ZNF385D: variants seen among roughly 807,000 people sequenced by gnomAD.
ZNF385D encodes the protein zinc finger protein 659.
Under a neutral mutation model 35.8 loss-of-function variants are expected in ZNF385D, and 15 were observed. That is an observed-to-expected ratio of 0.42 (90% CI 0.28 to 0.64). The LOEUF is 0.64. Ranked by LOEUF, ZNF385D falls within the 30% of genes least tolerant of loss-of-function variation. ZNF385D has a pLI of 0.23. For synonymous variants in ZNF385D, 212 were observed against 186.8 expected (o/e 1.13, Z -1.10); for missense variants, 474 against 494.6 (o/e 0.96, Z 0.39).
chr3:22,128,335 G>C (rs531692607), intron 3 of ZNF385D, among the ~76,000 whole-genome samples: 3 of 151,606 alleles, frequency 2.0e-5, no homozygotes, highest in African/African-American at 4.8e-5. Flanking sequence ...CTTGACTTTT[G>C]GGAGTCTGAT....
chr3:21,568,633 C>T (rs916999650), intron 2 of ZNF385D, among the ~76,000 whole-genome samples: 4 of 152,122 alleles, frequency 2.6e-5, no homozygotes, highest in Non-Finnish European at 5.9e-5. Context: ...ACATTAACAG[C>T]ACACAACAGA....
chr3:22,190,896 G>A (rs1214495260), intron 2 of ZNF385D, among the ~76,000 whole-genome samples: 1 of 151,774 alleles, frequency 6.6e-6, no homozygotes, highest in Non-Finnish European at 1.5e-5. Flanking sequence ...AACTATAAAG[G>A]ATACTCTGTG....
chr3:22,173,431 G>T (rs951916943), intron 2 of ZNF385D, among the ~76,000 whole-genome samples: 3 of 152,220 alleles, frequency 2.0e-5, no homozygotes, highest in Admixed American at 6.5e-5. Context: ...CTACCAATTT[G>T]GCAACTTTTC....
intron 3 of ZNF385D, among the ~76,000 whole-genome samples, chr3:21,794,583 C>T (rs7374877): frequency 0.42 from 63,234 of 151,916 alleles, 13,229 homozygotes; most frequent in East Asian, 0.53. Context: ...GGTTCATAGA[C>T]AATGCCTTCT....
At chr3:21,612,597 TATAAC>T (rs368040303) in intron 2 of ZNF385D, among the ~76,000 whole-genome samples, 281 of 152,304 alleles carry the variant, frequency 1.8e-3, no homozygotes, top group African/African-American at 4.6e-3. Flanking sequence ...ATTTAGCTCT[TATAAC>T]ATATCAGTCA....
At chr3:21,432,891 T>C (rs1463292471) in intron 5 of ZNF385D, among the ~76,000 whole-genome samples, 1 of 151,940 alleles carries the variant, frequency 6.6e-6, no homozygotes, top group Non-Finnish European at 1.5e-5. Flanking sequence ...GGTTACACAC[T>C]AGTGAAAAAT....
chr3:21,962,038 T>A (rs552945675), intron 3 of ZNF385D, among the ~76,000 whole-genome samples: 4 of 152,146 alleles, frequency 2.6e-5, no homozygotes. Context: ...CAGAAGACAC[T>A]AAAAAGTGTA....
intron 2 of ZNF385D, among the ~76,000 whole-genome samples, chr3:22,326,920 C>A (rs948799454): frequency 1.3e-5 from 2 of 152,140 alleles, no homozygotes; most frequent in African/African-American, 4.8e-5. Context: ...GTCAGAGTGC[C>A]AGAAAATAGG....
At chr3:21,424,458 T>C (rs983255662) in intron 6 of ZNF385D, among the ~76,000 whole-genome samples, 2 of 148,858 alleles carry the variant, frequency 1.3e-5, no homozygotes, top group South Asian at 4.3e-4. Flanking sequence ...AGACTACAGG[T>C]GCCCACCACC....
chr3:22,178,867 C>T (rs1025065596), intron 2 of ZNF385D, among the ~76,000 whole-genome samples: 5 of 152,042 alleles, frequency 3.3e-5, no homozygotes, highest in Non-Finnish European at 7.4e-5. Flanking sequence ...CTTGTTTTTG[C>T]CAGGTTTGTC....
At chr3:21,917,276 A>G (rs188385047) in intron 3 of ZNF385D, among the ~76,000 whole-genome samples, 2 of 152,256 alleles carry the variant, frequency 1.3e-5, no homozygotes, top group Non-Finnish European at 2.9e-5. Flanking sequence ...TGCTAAAAAT[A>G]CAGAAATTAG....
chr3:21,860,442 A>G (rs925108157), intron 3 of ZNF385D, among the ~76,000 whole-genome samples: 6 of 151,310 alleles, frequency 4.0e-5, no homozygotes, highest in African/African-American at 1.5e-4. Context: ...AAGCAAGTTA[A>G]ATACTTAAAA....
chr3:21,794,357 C>A (rs1408268888), intron 3 of ZNF385D, among the ~76,000 whole-genome samples: 1 of 152,028 alleles, frequency 6.6e-6, no homozygotes, highest in African/African-American at 2.4e-5. Context: ...CTCTGAGCCA[C>A]CTCTCCTCTT....
At chr3:21,512,228 G>A (rs1211561352) in intron 3 of ZNF385D, among the ~76,000 whole-genome samples, 1 of 151,806 alleles carries the variant, frequency 6.6e-6, no homozygotes, top group Admixed American at 6.6e-5. Flanking sequence ...TTATTTCTTG[G>A]GGGAGAAAAT....
At chr3:21,532,721 T>G (rs1291336506) in intron 3 of ZNF385D, among the ~76,000 whole-genome samples, 1 of 152,072 alleles carries the variant, frequency 6.6e-6, no homozygotes, top group Non-Finnish European at 1.5e-5. Flanking sequence ...TAGGATTATA[T>G]TCTGTTTCAT....
At chr3:21,696,728 T>C (rs1190768285) in intron 1 of ZNF385D, among the ~76,000 whole-genome samples, 1 of 152,178 alleles carries the variant, frequency 6.6e-6, no homozygotes, top group African/African-American at 2.4e-5. Flanking sequence ...CACAAAATAA[T>C]GAAACTTAGC....
intron 5 of ZNF385D, among the ~76,000 whole-genome samples, chr3:21,432,799 AAAAATC>A (rs1215948842): frequency 6.6e-6 from 1 of 152,080 alleles, no homozygotes; most frequent in Non-Finnish European, 1.5e-5. Context: ...TTAAAAAAAA[AAAAATC>A]AAAGTAGGAA....
intron 3 of ZNF385D, among the ~76,000 whole-genome samples, chr3:21,841,321 TCTA>T (rs1228263918): frequency 1.3e-5 from 2 of 152,062 alleles, no homozygotes; most frequent in Admixed American, 1.3e-4. Context: ...CCAAGGTTTT[TCTA>T]CTACAGTGTT....
intron 3 of ZNF385D, among the ~76,000 whole-genome samples, chr3:21,902,304 A>G (rs1417204245): frequency 6.6e-6 from 1 of 152,152 alleles, no homozygotes; most frequent in African/African-American, 2.4e-5. Flanking sequence ...TTTAACTGAG[A>G]CAAGTATGAC....
Sources: allele counts gnomAD v4.1 joint callset (sites outside exome capture counted in the v4.1 genomes callset), GRCh38; gene constraint gnomAD v4.1.1; transcripts MANE v1.5; gene names NCBI Gene and HGNC (gene_info 2026-07-23, HGNC 2026-07-21).